The following SUZ12 variants were observed in gnomAD, a reference collection of about 807,000 sequenced individuals.
The protein encoded by SUZ12 is SUZ12 polycomb repressive complex 2 subunit, also known as polycomb protein SUZ12.
A neutral mutation model predicts 87.3 loss-of-function variants in SUZ12; 17 were observed. The ratio of observed to expected loss-of-function variants is 0.19; its 90% confidence interval spans 0.13 to 0.29. The LOEUF is 0.29. Ranked by LOEUF, SUZ12 falls within the 10% of genes least tolerant of loss-of-function variation. SUZ12 has a pLI of 1.00. For synonymous variants in SUZ12, 253 were observed against 312.4 expected (o/e 0.81, Z 2.01); for missense variants, 526 against 912.2 (o/e 0.58, Z 5.45).
intron 3 of SUZ12, among the ~76,000 whole-genome samples, chr17:31,941,978 G>T (rs1014578685): frequency 2.0e-5 from 3 of 151,672 alleles, no homozygotes; most frequent in Admixed American, 1.3e-4. Context: ...TCAGCCTCCC[G>T]AGTAGCTGGA....
At chr17:31,955,616 C>T (rs1351194952) in intron 4 of SUZ12, among the ~76,000 whole-genome samples, 1 of 151,908 alleles carries the variant, frequency 6.6e-6, no homozygotes, top group African/African-American at 2.4e-5. Flanking sequence ...GGCAGAGTGT[C>T]GTGCACCTGT....
rs752212553 is a variant in SUZ12 at position 31,966,165 on chromosome 17, G to C, written c.474G>C (p.Gln158His). The change falls in exon 5 of 16, where the codon CAG becomes CAC. Residue 158 changes from glutamine (Q) to histidine (H), a missense_variant. Physicochemically the swap from Gln to His is conservative, Grantham distance 24. Transcript: ENST00000322652. Reference protein sequence around the residue: ...QESHSLSAHLQLTFTGFFHKN... With the variant: ...QESHSLSAHLHLTFTGFFHKN... ...TTTTTAGCTTGTCAGCTCATTTGCA[G>C]CTTACGTTTACTGGTTTCTTCCACA... is the stretch of plus-strand genomic sequence containing the variant. The C allele has an allele frequency of 1.3e-6, 2 of 1,592,566 alleles. No individual in the cohort carries two copies. Among genetic ancestry groups the C allele is most frequent in the Non-Finnish European group, 1.7e-6 (2 of 1,171,840 alleles).
intron 4 of SUZ12, among the ~76,000 whole-genome samples, chr17:31,962,317 G>A (rs557042752): frequency 1.3e-5 from 2 of 152,102 alleles, no homozygotes; most frequent in Non-Finnish European, 2.9e-5. Flanking sequence ...CAGGCCAGGC[G>A]CAGTGGCTCA....
In SUZ12 at chr17:31,999,750, T is replaced by A; in HGVS notation, c.*747T>A. The A allele has an allele frequency of 4.3e-6, 1 of 232,514 alleles. No homozygotes were observed. Among genetic ancestry groups the A allele is most frequent in the Non-Finnish European group, 8.5e-6 (1 of 117,650 alleles). The allele number at this position is 232,514 out of a possible 1,614,324, so 14.4% of individuals were successfully genotyped here. ...TGCATTGCTCACCCGGTATGTTTTT[T>A]TTTTTTAACTTGAACATTTTGCTTG... On this transcript the variant is annotated 3_prime_UTR_variant, in exon 16 of 16. Coordinates refer to ENST00000322652, the MANE Select transcript of SUZ12 (RefSeq NM_015355.4).
rs771981449 is a variant in SUZ12, at chr17:31,937,206, G to C, written c.-41G>C. On this transcript the variant is annotated 5_prime_UTR_variant, in exon 1 of 16. Coordinates refer to ENST00000322652, the MANE Select transcript of SUZ12 (RefSeq NM_015355.4). ...TTGCAGGCGCTTGCTCTCCGGGGCC[G>C]CCCGGCGGGTAGCTGGCGGGGGGAG... 1.1e-5 allele frequency: 16 copies of C among 1,394,304 alleles called. No homozygotes were observed. Among genetic ancestry groups the C allele is most frequent in the Non-Finnish European group, 1.5e-5 (16 of 1,084,804 alleles). The allele number at this position is 1,394,304 out of a possible 1,614,324, so 86.4% of individuals were successfully genotyped here.
chr17:31,963,496 TTTG>T (rs879588252), intron 4 of SUZ12, among the ~76,000 whole-genome samples: 14,963 of 142,788 alleles, frequency 0.1, no homozygotes, highest in South Asian at 0.2. Context: ...AGGTATTTTT[TTTG>T]TTTTGTTTTG....
intron 5 of SUZ12, among the ~76,000 whole-genome samples, chr17:31,971,793 CT>C (rs1432072228): frequency 5.3e-5 from 8 of 152,066 alleles, no homozygotes; most frequent in African/African-American, 1.9e-4. Flanking sequence ...GTCAAAATTA[CT>C]TTTGACTAGC....
At chr17:31,948,058 G>A (rs1345242525) in intron 4 of SUZ12, among the ~76,000 whole-genome samples, 8 of 152,034 alleles carry the variant, frequency 5.3e-5, no homozygotes, top group Admixed American at 1.3e-4. Flanking sequence ...ACAATATCAC[G>A]TATCTTGTAA....
intron 4 of SUZ12, among the ~76,000 whole-genome samples, chr17:31,955,524 G>A (rs192806044): frequency 1.2e-3 from 181 of 152,110 alleles, no homozygotes; most frequent in African/African-American, 4.2e-3. Context: ...CGAGGCGGGC[G>A]GATCACGAGG....
chr17:31,990,794 C>G (rs572350245), intron 10 of SUZ12, among the ~76,000 whole-genome samples: 1 of 152,206 alleles, frequency 6.6e-6, no homozygotes, highest in East Asian at 1.9e-4. Context: ...CTCACCCTGG[C>G]TGGAGTGCAG....
At chr17:31,955,086 T>C (rs2627147) in intron 4 of SUZ12, among the ~76,000 whole-genome samples, 19 of 152,094 alleles carry the variant, frequency 1.2e-4, no homozygotes, top group Non-Finnish European at 2.2e-4. Flanking sequence ...TTCCAGGCTC[T>C]GTTGTCTTAC....
chr17:31,958,545 T>A (rs1201595706), intron 4 of SUZ12, among the ~76,000 whole-genome samples: 3 of 151,288 alleles, frequency 2.0e-5, no homozygotes, highest in Non-Finnish European at 2.9e-5. Context: ...ACCCCATCTC[T>A]ACTAAAAATC....
In SUZ12 at chr17:31,941,143, C is replaced by T. The variant is rs529496726; in HGVS notation, c.386+657C>T. ...TTTTTTTTTGAGACAGAGTGTCTGT[C>T]CAGGTTGGAGTGCAGTGGCGTGATC... On this transcript the variant is annotated intron_variant, in intron 3 of 15. Coordinates refer to ENST00000322652, the MANE Select transcript of SUZ12 (RefSeq NM_015355.4). Among the ~76,000 whole-genome samples the T allele has an allele frequency of 3.8e-3, 569 of 151,382 alleles. 3 individuals are homozygous for T. Among genetic ancestry groups the T allele is most frequent in the Non-Finnish European group, 5.9e-3 (399 of 67,928 alleles).
chr17:31,985,606 A>G (rs940046387), intron 9 of SUZ12, among the ~76,000 whole-genome samples: 4 of 151,260 alleles, frequency 2.6e-5, no homozygotes, highest in African/African-American at 7.3e-5. Flanking sequence ...TCATGAGACT[A>G]TAAGGATTAT....
intron 1 of SUZ12, among the ~76,000 whole-genome samples, chr17:31,939,221 G>A (rs1298225286): frequency 6.6e-6 from 1 of 151,988 alleles, no homozygotes; most frequent in African/African-American, 2.4e-5. Context: ...TTATAATTAG[G>A]AATATTTATT....
chr17:31,965,734 A>G (rs1908047095), intron 4 of SUZ12: 1 of 154,064 alleles, frequency 6.5e-6, no homozygotes, highest in East Asian at 1.9e-4. Context: ...AAGCGTCATT[A>G]AAACAAAACA....
At chr17:31,939,680 C>T (rs939096842) in intron 1 of SUZ12, among the ~76,000 whole-genome samples, 1 of 152,134 alleles carries the variant, frequency 6.6e-6, no homozygotes, top group Admixed American at 6.6e-5. Context: ...TGCGCCGCCC[C>T]TATGCCTGGC....
chr17:31,957,427 T>C (rs1248428934), intron 4 of SUZ12, among the ~76,000 whole-genome samples: 7 of 151,996 alleles, frequency 4.6e-5, no homozygotes, highest in African/African-American at 1.7e-4. Flanking sequence ...CTTTTTTTTT[T>C]TGGTACGGAG....
intron 2 of SUZ12, 35 bp from the exon 3 acceptor site, chr17:31,940,387 A>T: frequency 1.3e-6 from 2 of 1,585,694 alleles, no homozygotes; most frequent in South Asian, 2.3e-5. Context: ...CTGCATCTGT[A>T]TTCAATTTTA....
Sources: gnomAD v4.1 joint callset for allele counts (sites outside exome capture counted in the v4.1 genomes callset) on GRCh38, gnomAD v4.1.1 for gene constraint, MANE v1.5 for transcripts, NCBI Gene and HGNC (gene_info 2026-07-23, HGNC 2026-07-21) for gene names.